The following DCBLD2 variants were observed in gnomAD, a reference collection of about 807,000 sequenced individuals.
DCBLD2 encodes discoidin, CUB and LCCL domain containing 2.
Under a neutral mutation model 86.8 loss-of-function variants are expected in DCBLD2, and 54 were observed. The observed-to-expected ratio is 0.62, with a 90% CI of 0.50 to 0.78. The LOEUF (loss-of-function observed/expected upper bound fraction) is 0.78, where lower values mean the gene tolerates loss of function less well. Ranked by LOEUF, DCBLD2 falls within the 30% of genes least tolerant of loss-of-function variation. The pLI is 0.00. For missense variants in DCBLD2, 908 were observed against 954.2 expected (o/e 0.95, Z 0.64); for synonymous variants, 354 against 341.3 (o/e 1.04, Z -0.41).
At chr3:98,895,231 T>A (rs1489502247) in intron 1 of DCBLD2, 1 of 152,218 alleles carries the variant, frequency 6.6e-6, no homozygotes, top group Admixed American at 6.5e-5. Context: ...ATTACTTACA[T>A]GATACGCAAA....
intron 2 of DCBLD2, among the ~76,000 whole-genome samples, chr3:98,851,554 G>A (rs754663534): frequency 1.1e-4 from 17 of 152,138 alleles, no homozygotes; most frequent in Non-Finnish European, 2.2e-4. Flanking sequence ...AGCTACCATT[G>A]ACTTTCTTCA....
At chr3:98,880,146 G>A (rs1187500640) in intron 2 of DCBLD2, among the ~76,000 whole-genome samples, 1 of 152,194 alleles carries the variant, frequency 6.6e-6, no homozygotes, top group Admixed American at 6.5e-5. Flanking sequence ...TGACTGAGAA[G>A]CACCAAAGTT....
chr3:98,863,779 A>G (rs953092060), intron 2 of DCBLD2, among the ~76,000 whole-genome samples: 28 of 152,208 alleles, frequency 1.8e-4, no homozygotes, highest in African/African-American at 5.5e-4. Context: ...AACCTAGGCA[A>G]TACCATTCAG....
intron 12 of DCBLD2, among the ~76,000 whole-genome samples, chr3:98,809,612 G>T (rs1242580990): frequency 6.6e-6 from 1 of 152,100 alleles, no homozygotes; most frequent in East Asian, 1.9e-4. Context: ...ACTGAGAGTG[G>T]GTGAAGATAT....
chr3:98,878,341 T>C (rs1943405239), intron 2 of DCBLD2, among the ~76,000 whole-genome samples: 1 of 152,202 alleles, frequency 6.6e-6, no homozygotes, highest in African/African-American at 2.4e-5. Flanking sequence ...AGTCTGTCAC[T>C]GGAATCTAAT....
chr3:98,868,575 T>C (rs774871055), intron 2 of DCBLD2, among the ~76,000 whole-genome samples: 16 of 152,194 alleles, frequency 1.1e-4, no homozygotes, highest in Non-Finnish European at 2.1e-4. Context: ...TAGTGTACAG[T>C]GTACCCAACA....
chr3:98,838,670 C>T (rs943256663), intron 3 of DCBLD2, among the ~76,000 whole-genome samples: 125 of 152,234 alleles, frequency 8.2e-4, no homozygotes, highest in African/African-American at 2.9e-3. Context: ...GCTGCAATCT[C>T]GGCACTTTGG....
chr3:98,864,272 A>C (rs889555257), intron 2 of DCBLD2, among the ~76,000 whole-genome samples: 4 of 152,194 alleles, frequency 2.6e-5, no homozygotes, highest in Non-Finnish European at 4.4e-5. Context: ...TAAACTTGTT[A>C]AACCATTGTA....
rs140547661 is a variant in DCBLD2 at position 98,864,597 on chromosome 3, C to G, written c.434-14999G>C. ...GAAACCATCATTCTCAGCAAACTATCGCAAGAACAAAAAACCAAACAGCGC... is the reference window on the plus strand; with the variant it reads ...GAAACCATCATTCTCAGCAAACTATGGCAAGAACAAAAAACCAAACAGCGC... On this transcript the variant is annotated intron_variant, in intron 2 of 15. Transcript: ENST00000326840. Among the ~76,000 whole-genome samples the G allele has an allele frequency of 3.0e-3, 449 of 152,146 alleles. 3 individuals are homozygous for G. The highest frequency in any genetic ancestry group is 0.01 in the African/African-American group (427 of 41,512).
intron 2 of DCBLD2, among the ~76,000 whole-genome samples, chr3:98,864,438 A>G (rs1410735631): frequency 2.6e-5 from 4 of 152,224 alleles, no homozygotes; most frequent in Non-Finnish European, 5.9e-5. Context: ...ACAATAGCAA[A>G]GACTTGGAAC....
chr3:98,858,948 G>A (rs1314287508), intron 2 of DCBLD2, among the ~76,000 whole-genome samples: 4 of 152,216 alleles, frequency 2.6e-5, no homozygotes, highest in East Asian at 1.9e-4. Context: ...TGGGAAGCGC[G>A]TGGGGTCGGG....
intron 3 of DCBLD2, among the ~76,000 whole-genome samples, chr3:98,834,209 G>A (rs1277237645): frequency 6.8e-6 from 1 of 146,904 alleles, no homozygotes; most frequent in African/African-American, 2.5e-5. Context: ...ATTTTGGGGA[G>A]TACATATGAT....
At chr3:98,803,203 T>A (rs1438100808) in intron 13 of DCBLD2, among the ~76,000 whole-genome samples, 1 of 152,214 alleles carries the variant, frequency 6.6e-6, no homozygotes, top group African/African-American at 2.4e-5. Flanking sequence ...TTCCATTTGT[T>A]TGCGTCCTCT....
At chr3:98,805,759 G>A (rs1941826871) in intron 13 of DCBLD2, among the ~76,000 whole-genome samples, 1 of 152,150 alleles carries the variant, frequency 6.6e-6, no homozygotes, top group African/African-American at 2.4e-5. Flanking sequence ...TGTCCACAGG[G>A]TCCTTTCAAC....
chr3:98,840,426 A>C (rs1483157970), intron 3 of DCBLD2, among the ~76,000 whole-genome samples: 3 of 152,200 alleles, frequency 2.0e-5, no homozygotes, highest in Admixed American at 6.5e-5. Context: ...CTGAGAAAAC[A>C]CTTATCTTGC....
chr3:98,886,806 C>A (rs1485130664), intron 1 of DCBLD2, among the ~76,000 whole-genome samples: 1 of 138,310 alleles, frequency 7.2e-6, no homozygotes, highest in African/African-American at 2.7e-5. Context: ...GAAAACCCCC[C>A]CCCTTTTTTT....
At chr3:98,859,894 GAGA>G (rs763475988) in intron 2 of DCBLD2, among the ~76,000 whole-genome samples, 8 of 152,208 alleles carry the variant, frequency 5.3e-5, no homozygotes, top group Non-Finnish European at 1.0e-4. Flanking sequence ...GACGAGTTGA[GAGA>G]AGAAGGCTTC....
At chr3:98,857,321 A>G (rs866016717) in intron 2 of DCBLD2, among the ~76,000 whole-genome samples, 2 of 152,290 alleles carry the variant, frequency 1.3e-5, no homozygotes, top group South Asian at 2.1e-4. Flanking sequence ...GCAAAGAGCG[A>G]AAGAACAAAG....
At chr3:98,825,465 T>TG in intron 3 of DCBLD2, 99 bp from the exon 4 acceptor site, 1 of 905,682 alleles carries the variant, frequency 1.1e-6, no homozygotes, top group Non-Finnish European at 1.6e-6. Context: ...TACTCTAATT[T>TG]TCAAAAATCT....
Sources: allele counts gnomAD v4.1 joint callset (sites outside exome capture counted in the v4.1 genomes callset), GRCh38; gene constraint gnomAD v4.1.1; transcripts MANE v1.5; gene names NCBI Gene and HGNC (gene_info 2026-07-23, HGNC 2026-07-21).